BMAL2: variants seen among roughly 807,000 people sequenced by gnomAD.
BMAL2 encodes the protein basic helix-loop-helix ARNT like 2.
chr12:27,400,040 C>T, the BMAL2 span, among the ~76,000 whole-genome samples: 2 of 152,018 alleles, frequency 1.3e-5, no homozygotes, highest in African/African-American at 4.8e-5. Context: ...TCTATTATAA[C>T]CTTATGTATC....
chr12:27,405,807 G>C, the BMAL2 span, among the ~76,000 whole-genome samples: 1 of 151,398 alleles, frequency 6.6e-6, no homozygotes, highest in Admixed American at 6.6e-5. Flanking sequence ...GCTAAAGGAG[G>C]AAGTTTGAAC....
At chr12:27,392,181 CT>C in the BMAL2 span, among the ~76,000 whole-genome samples, 1 of 152,276 alleles carries the variant, frequency 6.6e-6, no homozygotes, top group East Asian at 1.9e-4. Flanking sequence ...TTACTAAATC[CT>C]TCTGGCCCTT....
At chr12:27,405,381 GTAC>G in the BMAL2 span, among the ~76,000 whole-genome samples, 1 of 152,186 alleles carries the variant, frequency 6.6e-6, no homozygotes, top group Non-Finnish European at 1.5e-5. Context: ...ACACGGCCAG[GTAC>G]TCCTCTGAGA....
the BMAL2 span, among the ~76,000 whole-genome samples, chr12:27,395,121 A>T: frequency 6.6e-6 from 1 of 152,262 alleles, no homozygotes; most frequent in Non-Finnish European, 1.5e-5. Flanking sequence ...AAGAAATCTG[A>T]AAAGGCTCTG....
the BMAL2 span, among the ~76,000 whole-genome samples, chr12:27,417,488 A>G: frequency 6.6e-6 from 1 of 152,156 alleles, no homozygotes; most frequent in Admixed American, 6.5e-5. Context: ...GGTAGACTTG[A>G]GTTAGAATCA....
At chr12:27,389,994 C>T in the BMAL2 span, 2 of 1,419,024 alleles carry the variant, frequency 1.4e-6, no homozygotes, top group African/African-American at 1.4e-5. Flanking sequence ...AAACTGTTTC[C>T]TTTCTCAATA....
At chr12:27,415,118 A>G in the BMAL2 span, among the ~76,000 whole-genome samples, 2 of 152,354 alleles carry the variant, frequency 1.3e-5, no homozygotes, top group Middle Eastern at 3.4e-3. Flanking sequence ...CAAATTTGCC[A>G]TTAGGTAGAA....
At chr12:27,375,477 T>C in the BMAL2 span, among the ~76,000 whole-genome samples, 1 of 152,180 alleles carries the variant, frequency 6.6e-6, no homozygotes, top group African/African-American at 2.4e-5. Flanking sequence ...ATGATCTGAG[T>C]TTTATTTATT....
chr12:27,384,582 A>G, the BMAL2 span, among the ~76,000 whole-genome samples: 4 of 152,174 alleles, frequency 2.6e-5, no homozygotes, highest in African/African-American at 9.7e-5. Flanking sequence ...CCATAGGGGC[A>G]TACATTCCAA....
the BMAL2 span, chr12:27,401,114 C>A: frequency 1.5e-6 from 1 of 678,086 alleles, no homozygotes; most frequent in Non-Finnish European, 2.5e-6. Context: ...CTAGGGCAGC[C>A]GAGGGGAGCC....
the BMAL2 span, among the ~76,000 whole-genome samples, chr12:27,361,023 G>A: frequency 1.3e-5 from 2 of 152,026 alleles, no homozygotes; most frequent in African/African-American, 4.8e-5. Context: ...GCACACTATT[G>A]GCTACGAAAG....
At chr12:27,399,239 G>A in the BMAL2 span, among the ~76,000 whole-genome samples, 378 of 152,202 alleles carry the variant, frequency 2.5e-3, 1 homozygote, top group African/African-American at 8.4e-3. Flanking sequence ...GCATCTGACC[G>A]CTCTCTCTCA....
the BMAL2 span, among the ~76,000 whole-genome samples, chr12:27,388,881 T>A: frequency 2.0e-5 from 3 of 152,280 alleles, no homozygotes; most frequent in Non-Finnish European, 2.9e-5. Context: ...TCAAAGTAAA[T>A]CACAATCATT....
chr12:27,345,071 A>G, the BMAL2 span, among the ~76,000 whole-genome samples: 3 of 152,124 alleles, frequency 2.0e-5, no homozygotes, highest in Non-Finnish European at 2.9e-5. Context: ...CTTTTAATTC[A>G]TCCCCATTTT....
chr12:27,411,490 C>G, the BMAL2 span, among the ~76,000 whole-genome samples: 2 of 152,012 alleles, frequency 1.3e-5, no homozygotes, highest in African/African-American at 4.8e-5. Flanking sequence ...TAGTGGGGCA[C>G]AGCGGTAGTC....
At chr12:27,375,291 A>G in the BMAL2 span, among the ~76,000 whole-genome samples, 4 of 152,336 alleles carry the variant, frequency 2.6e-5, no homozygotes, top group South Asian at 6.2e-4. Context: ...TATTTATGAT[A>G]TTGAAAATAT....
chr12:27,415,732 A>G, the BMAL2 span: 2 of 648,444 alleles, frequency 3.1e-6, no homozygotes, highest in Non-Finnish European at 5.4e-6. Flanking sequence ...AAGTCAGTCT[A>G]ATTGTGAAAC....
the BMAL2 span, among the ~76,000 whole-genome samples, chr12:27,379,358 A>G: frequency 1.3e-5 from 2 of 152,226 alleles, no homozygotes; most frequent in African/African-American, 2.4e-5. Context: ...GGGTTATAAT[A>G]ACAAATAGCT....
chr12:27,380,446 T>G, the BMAL2 span: 4 of 1,604,332 alleles, frequency 2.5e-6, no homozygotes, highest in Non-Finnish European at 3.4e-6. Flanking sequence ...AAGTGAAATC[T>G]GCTCTGTCAC....
Sources: allele counts gnomAD v4.1 joint callset (sites outside exome capture counted in the v4.1 genomes callset), GRCh38; gene constraint gnomAD v4.1.1; transcripts MANE v1.5; gene names NCBI Gene and HGNC (gene_info 2026-07-23, HGNC 2026-07-21).